The following AFF1 variants were observed in gnomAD, a reference collection of about 807,000 sequenced individuals.
The protein encoded by AFF1 is ALF transcription elongation factor 1.
Under a neutral mutation model 121.7 loss-of-function variants are expected in AFF1, and 48 were observed. The observed-to-expected ratio is 0.39, with a 90% CI of 0.31 to 0.50. The LOEUF (loss-of-function observed/expected upper bound fraction) is 0.50. Among genes scored for constraint, AFF1 ranks in the 20% least tolerant of loss-of-function variants. AFF1 has a pLI of 0.76. For missense variants in AFF1, 1,523 were observed against 1,511.7 expected (o/e 1.01, Z -0.12); for synonymous variants, 613 against 563.0 (o/e 1.09, Z -1.26).
chr4:86,946,066 C>T (rs992227262), intron 1 of AFF1, among the ~76,000 whole-genome samples: 3 of 152,120 alleles, frequency 2.0e-5, no homozygotes, highest in African/African-American at 7.2e-5. Flanking sequence ...TATGATGTAT[C>T]TGTAGTGCTC....
chr4:87,086,888 T>G lies in AFF1; in HGVS notation c.1104+2724T>G, dbSNP rs775211654. Among the ~76,000 whole-genome samples, 23 of 152,284 alleles carry G rather than the reference T, an allele frequency of 1.5e-4. No individual in the cohort carries two copies. In the Middle Eastern group the frequency reaches 0.01, roughly 68 times the overall value. On this transcript the variant is annotated intron_variant, in intron 5 of 20. Coordinates refer to ENST00000395146, the MANE Select transcript of AFF1 (RefSeq NM_001166693.3). ...GAAAATCAATCATAGAAGATAATGT[T>G]TGGTTCTCTGGGGTCAGTATTTAAG...
chr4:86,998,439 G>C (rs921691685), intron 2 of AFF1, among the ~76,000 whole-genome samples: 1 of 152,204 alleles, frequency 6.6e-6, no homozygotes, highest in Non-Finnish European at 1.5e-5. Flanking sequence ...TACAAAAACA[G>C]GTGTGTGTTC....
chr4:86,989,761 G>A (rs1724554086), intron 2 of AFF1, among the ~76,000 whole-genome samples: 1 of 152,102 alleles, frequency 6.6e-6, no homozygotes, highest in Non-Finnish European at 1.5e-5. Flanking sequence ...CAATAGCAAA[G>A]ACTTGGAACC....
At chr4:87,126,413 T>G (rs887820205) in intron 14 of AFF1, 77 bp downstream of exon 14, 10 of 1,376,866 alleles carry the variant, frequency 7.3e-6, no homozygotes, top group African/African-American at 2.9e-5. Flanking sequence ...GACAAGTTGC[T>G]AGTGATGGCA....
rs1052877198 is a variant in AFF1 at position 87,131,992 on chromosome 4, G to T, written c.3173+128G>T. On this transcript the variant is annotated intron_variant, in intron 18 of 20. Coordinates refer to ENST00000395146, the MANE Select transcript of AFF1 (RefSeq NM_001166693.3). ...AAGCAAGTCAGTACTTTGGTCAAAA[G>T]GTTAATCCCTCACTGATAGTAATTC... 3 of 876,660 alleles carry T rather than the reference G, an allele frequency of 3.4e-6. No individual in the cohort carries two copies. In the Admixed American group the frequency reaches 1.0e-4, roughly 31 times the overall value. 54.3% of individuals were successfully genotyped at this position (876,660 alleles called of 1,614,324 possible).
At chr4:87,031,492 T>G (rs1698384695) in intron 2 of AFF1, among the ~76,000 whole-genome samples, 1 of 151,974 alleles carries the variant, frequency 6.6e-6, no homozygotes, top group Admixed American at 6.6e-5. Flanking sequence ...CTCGCTAAAT[T>G]GTGGAATCCC....
chr4:87,099,034 A>C (rs957365317), intron 8 of AFF1, among the ~76,000 whole-genome samples: 3 of 152,234 alleles, frequency 2.0e-5, no homozygotes, highest in Non-Finnish European at 4.4e-5. Flanking sequence ...GTGTCAGCTG[A>C]AATGTTCTAG....
intron 2 of AFF1, among the ~76,000 whole-genome samples, chr4:86,999,536 T>C (rs942745886): frequency 6.6e-6 from 1 of 152,208 alleles, no homozygotes; most frequent in African/African-American, 2.4e-5. Context: ...CAAGTGCCTT[T>C]TCATGCCCAG....
intron 1 of AFF1, among the ~76,000 whole-genome samples, chr4:86,941,833 C>T (rs921594469): frequency 1.8e-4 from 27 of 149,346 alleles, no homozygotes; most frequent in Non-Finnish European, 3.0e-4. Context: ...GACCCTGTCT[C>T]GAAAAAGATA....
chr4:87,050,319 C>T (rs897938784), intron 4 of AFF1, among the ~76,000 whole-genome samples: 1 of 152,150 alleles, frequency 6.6e-6, no homozygotes, highest in Non-Finnish European at 1.5e-5. Context: ...TTTCCTAGTG[C>T]TCTGAGTGTG....
In AFF1 at chr4:87,047,084, A is replaced by G. The variant is rs766032981; in HGVS notation, c.549A>G (p.Lys183=). 2 of 1,614,188 alleles carry G rather than the reference A, an allele frequency of 1.2e-6. No individual in the cohort carries two copies. Among genetic ancestry groups the G allele is most frequent in the South Asian group, 1.1e-5 (1 of 91,080 alleles). ...GGTTCGGCTCTAGTCATCACAAGAA[A>G]GGTGACCGAAGAGCTGACGGAGACC... ...QEGFGSSHHK[K]GDRRADGDHC... The change falls in exon 4 of 21, where the codon AAA becomes AAG. Residue 183 remains lysine (K), a synonymous_variant. Transcript: ENST00000395146.
chr4:86,949,732 G>A, intron 2 of AFF1: 2 of 1,601,040 alleles, frequency 1.2e-6, no homozygotes, highest in Non-Finnish European at 1.7e-6. Flanking sequence ...TCAGGTAGCT[G>A]CGGTGCTTGC....
chr4:86,978,563 GAC>G (rs1723489768), intron 2 of AFF1, among the ~76,000 whole-genome samples: 1 of 151,956 alleles, frequency 6.6e-6, no homozygotes, highest in African/African-American at 2.4e-5. Context: ...TTCTTTTGGA[GAC>G]AGGGTCTTGC....
chr4:87,088,204 C>A lies in AFF1; in HGVS notation c.1105-1780C>A, dbSNP rs58565346. On this transcript the variant is annotated intron_variant, in intron 5 of 20. Coordinates refer to ENST00000395146, the MANE Select transcript of AFF1 (RefSeq NM_001166693.3). ...TGGGTCTTTGGCTATAGCCATTATT[C>A]TTTCCAGTATATTTTAGGAAAGATC... Among the ~76,000 whole-genome samples, 666 of 152,306 alleles carry A rather than the reference C, an allele frequency of 4.4e-3. 5 individuals are homozygous for A. Among genetic ancestry groups the A allele is most frequent in the African/African-American group, 0.015 (622 of 41,560 alleles).
intron 2 of AFF1, among the ~76,000 whole-genome samples, chr4:86,956,201 T>C (rs1331078052): frequency 6.6e-6 from 1 of 152,230 alleles, no homozygotes; most frequent in Non-Finnish European, 1.5e-5. Context: ...AAACACCTTG[T>C]TTTCCCTCAT....
chr4:87,048,897 A>G (rs1199162373), intron 4 of AFF1, among the ~76,000 whole-genome samples: 1 of 152,198 alleles, frequency 6.6e-6, no homozygotes. Flanking sequence ...GCACTGAGCC[A>G]TTTATTGAAC....
chr4:87,073,392 G>C (rs1203271517), intron 4 of AFF1, among the ~76,000 whole-genome samples: 1 of 150,816 alleles, frequency 6.6e-6, no homozygotes, highest in Non-Finnish European at 1.5e-5. Context: ...TCTCTTTTGC[G>C]TTTGTTATAG....
chr4:87,053,003 C>T (rs757773677), intron 4 of AFF1, among the ~76,000 whole-genome samples: 2 of 151,960 alleles, frequency 1.3e-5, no homozygotes, highest in Non-Finnish European at 2.9e-5. Context: ...ATCATGTGTT[C>T]GGTTTGAGAT....
At chr4:87,102,028 G>A (rs1238379748) in intron 8 of AFF1, among the ~76,000 whole-genome samples, 1 of 152,206 alleles carries the variant, frequency 6.6e-6, no homozygotes, top group Non-Finnish European at 1.5e-5. Context: ...GTGTCTGCCA[G>A]AACCTGTATG....
Sources: allele counts gnomAD v4.1 joint callset (sites outside exome capture counted in the v4.1 genomes callset), GRCh38; gene constraint gnomAD v4.1.1; transcripts MANE v1.5; gene names NCBI Gene and HGNC (gene_info 2026-07-23, HGNC 2026-07-21).